The following MED12L variants were observed in gnomAD, a reference collection of about 807,000 sequenced individuals.
The protein encoded by MED12L is mediator complex subunit 12L.
A neutral mutation model predicts 281.3 loss-of-function variants in MED12L; 60 were observed. The ratio of observed to expected loss-of-function variants is 0.21; its 90% CI spans 0.17 to 0.26. The LOEUF is 0.26. MED12L is among the 10% of genes least tolerant of loss of function. The pLI, the probability that MED12L is intolerant of heterozygous loss-of-function variation, is 1.00. For synonymous variants in MED12L, 974 were observed against 987.2 expected, an observed-to-expected ratio of 0.99 and a Z score of 0.25; for missense variants, 2,146 against 2,680.9, an observed-to-expected ratio of 0.80 and a Z score of 4.41.
intron 16 of MED12L, among the ~76,000 whole-genome samples, chr3:151,281,232 CAAAAAA>C (rs35035320): frequency 9.6e-4 from 48 of 49,970 alleles, no homozygotes; most frequent in South Asian, 8.7e-3. Context: ...ACCAAAAATA[CAAAAAA>C]AAAAAAAAAA....
intron 16 of MED12L, among the ~76,000 whole-genome samples, chr3:151,200,174 A>G (rs1490139187): frequency 1.3e-5 from 2 of 152,078 alleles, no homozygotes; most frequent in Non-Finnish European, 2.9e-5. Flanking sequence ...CCTTAGAACT[A>G]CTGTGATCAC....
chr3:151,430,150 GAAAA>G, intron 43 of MED12L, 145 bp from the exon 44 acceptor site: 1 of 1,157,030 alleles, frequency 8.6e-7, no homozygotes, highest in Non-Finnish European at 1.2e-6. Context: ...AGGTGTAGAT[GAAAA>G]TTAATCCACA....
At chr3:151,294,787 G>A (rs1490789681) in intron 16 of MED12L, 1 of 1,613,980 alleles carries the variant, frequency 6.2e-7, no homozygotes, top group Non-Finnish European at 8.5e-7. Context: ...AGGTTATGCT[G>A]TACATCCGAG....
intron 36 of MED12L, 137 bp downstream of exon 36, chr3:151,385,328 G>A (rs912011755): frequency 2.7e-4 from 145 of 532,454 alleles, no homozygotes; most frequent in Admixed American, 1.2e-4. Context: ...TCTTCTAAGT[G>A]TACTTAGTCA....
intron 16 of MED12L, among the ~76,000 whole-genome samples, chr3:151,331,663 G>A (rs543221399): frequency 6.6e-5 from 10 of 152,186 alleles, no homozygotes; most frequent in Non-Finnish European, 1.2e-4. Flanking sequence ...CAGAGGCTAG[G>A]AGCCTATCAA....
chr3:151,354,434 C>G (rs954253002), intron 17 of MED12L, among the ~76,000 whole-genome samples: 6 of 151,778 alleles, frequency 4.0e-5, no homozygotes, highest in African/African-American at 1.5e-4. Flanking sequence ...TTTTTTGCCA[C>G]TATTAAAAAA....
intron 16 of MED12L, among the ~76,000 whole-genome samples, chr3:151,323,328 T>C (rs911572065): frequency 1.3e-5 from 2 of 152,186 alleles, no homozygotes; most frequent in Non-Finnish European, 2.9e-5. Flanking sequence ...GTTGGTCAAT[T>C]GATTTTCCTA....
At chr3:151,281,275 T>TG (rs1281805309) in intron 16 of MED12L, among the ~76,000 whole-genome samples, 3 of 139,066 alleles carry the variant, frequency 2.2e-5, no homozygotes, top group Non-Finnish European at 3.1e-5. Context: ...CTGGGCATGG[T>TG]GGAGTTCGCC....
rs12485559 is a variant in MED12L at position 151,353,917 on chromosome 3, G to A, written c.2399-1204G>A. Among the ~76,000 whole-genome samples, 1,517 of 151,868 alleles carry A rather than the reference G, an allele frequency of 1.0e-2. 14 individuals are homozygous for A. The highest frequency in any genetic ancestry group is 0.03 in the Admixed American group (454 of 15,272). The stretch of plus-strand genomic sequence containing the variant: ...AGCACTTTGGGAGGCCGAGGCGGGC[G>A]GATCACGAGGTCAGGAGATCGAGAC... On this transcript the variant is annotated intron_variant, in intron 17 of 44. Coordinates refer to ENST00000687756, the MANE Select transcript of MED12L (RefSeq NM_001393769.1).
chr3:151,156,235 A>G lies in MED12L; in HGVS notation c.631A>G (p.Ser211Gly), dbSNP rs776741734. 3.1e-6 allele frequency: 5 copies of G among 1,613,732 alleles called. No homozygotes were observed. Among genetic ancestry groups the G allele is most frequent in the East Asian group, 4.5e-5 (2 of 44,858 alleles). The change falls in exon 6 of 45, where the codon AGC (serine) becomes GGC (glycine). Residue 211 changes from serine (S) to glycine (G), a missense_variant. Physicochemically the swap from Ser to Gly is moderately conservative, Grantham distance 56 (BLOSUM62 0). Around this residue, in one of 9 missense-constraint regions of MED12L, gnomAD observed 722 missense variants for 861.2 expected, o/e 0.84. Transcript: ENST00000687756. ...TTCTGACTTTTACCACATGGCCTCCAGCACGGGCGATGGCCCTGTCCCTGT... is the reference window on the plus strand; with the variant it reads ...TTCTGACTTTTACCACATGGCCTCCGGCACGGGCGATGGCCCTGTCCCTGT... ...KISDFYHMAS[S>G]TGDGPVPVPP... is the part of the protein sequence containing the mutation.
At chr3:151,246,858 C>T (rs991097696) in intron 16 of MED12L, among the ~76,000 whole-genome samples, 10 of 152,174 alleles carry the variant, frequency 6.6e-5, no homozygotes, top group South Asian at 2.1e-4. Flanking sequence ...AGAAACTTTT[C>T]GCAACCTACT....
At chr3:151,110,910 C>T (rs1397123681) in intron 2 of MED12L, among the ~76,000 whole-genome samples, 3 of 152,134 alleles carry the variant, frequency 2.0e-5, no homozygotes, top group African/African-American at 4.8e-5. Flanking sequence ...GTGGTGAGAC[C>T]TGTACTGGCA....
intron 16 of MED12L, among the ~76,000 whole-genome samples, chr3:151,235,719 A>C (rs555513636): frequency 9.3e-6 from 1 of 107,390 alleles, no homozygotes; most frequent in Non-Finnish European, 2.0e-5. Flanking sequence ...AAATAAATAA[A>C]TAAGTAAAAG....
At chr3:151,222,180 T>A (rs1729497157) in intron 16 of MED12L, among the ~76,000 whole-genome samples, 1 of 152,236 alleles carries the variant, frequency 6.6e-6, no homozygotes, top group Admixed American at 6.5e-5. Context: ...TGTACTGCAT[T>A]GTATCTAGGA....
At chr3:151,338,949 C>T (rs1309296337) in intron 16 of MED12L, 1 of 1,138,038 alleles carries the variant, frequency 8.8e-7, no homozygotes, top group Non-Finnish European at 1.3e-6. Flanking sequence ...GACACAGCCT[C>T]CTCTAAAAGT....
intron 36 of MED12L, among the ~76,000 whole-genome samples, chr3:151,386,128 A>G (rs973164141): frequency 3.9e-5 from 6 of 152,228 alleles, no homozygotes; most frequent in African/African-American, 1.2e-4. Flanking sequence ...GAGAGTTTAT[A>G]TGAAGACATG....
chr3:151,128,066 C>T (rs1714798069), intron 5 of MED12L, 82 bp downstream of exon 5: 1 of 1,251,678 alleles, frequency 8.0e-7, no homozygotes, highest in South Asian at 1.3e-5. Context: ...GGATACAGCC[C>T]AGCATGGTGA....
At chr3:151,179,193 A>G (rs1458089521) in intron 11 of MED12L, among the ~76,000 whole-genome samples, 1 of 152,178 alleles carries the variant, frequency 6.6e-6, no homozygotes, top group Non-Finnish European at 1.5e-5. Context: ...TACAAAAATT[A>G]GCCAGGCGAG....
chr3:151,217,553 C>G (rs941734787), intron 16 of MED12L, among the ~76,000 whole-genome samples: 1 of 152,226 alleles, frequency 6.6e-6, no homozygotes, highest in Non-Finnish European at 1.5e-5. Context: ...TCCCCAAACA[C>G]TGCTATTTTG....
Sources: allele counts gnomAD v4.1 joint callset (sites outside exome capture counted in the v4.1 genomes callset), GRCh38; gene constraint gnomAD v4.1.1; regional missense constraint gnomAD v4.1.1; transcripts MANE v1.5; gene names NCBI Gene and HGNC (gene_info 2026-07-23, HGNC 2026-07-21).